The following HADH variants were observed in gnomAD, a reference collection of about 807,000 sequenced individuals.
HADH encodes the protein hydroxyacyl-CoA dehydrogenase.
A neutral mutation model predicts 32.2 loss-of-function variants in HADH; 24 were observed. The observed-to-expected ratio is 0.75, with a 90% CI of 0.54 to 1.05. The LOEUF (loss-of-function observed/expected upper bound fraction) is 1.05. HADH is among the 50% of genes least tolerant of loss of function. The pLI is 0.00. For synonymous variants in HADH, 139 were observed against 152.5 expected, an observed-to-expected ratio of 0.91 and a Z score of 0.65; for missense variants, 350 against 397.1, an observed-to-expected ratio of 0.88 and a Z score of 1.01.
intron 7 of HADH, 71 bp downstream of exon 7, chr4:108,033,363 T>TA: frequency 1.2e-6 from 1 of 849,670 alleles, no homozygotes; most frequent in Non-Finnish European, 2.1e-6. Context: ...AATGCCTTTT[T>TA]AAAAAAAGTT....
chr4:108,033,328 G>A (rs1217240573), intron 7 of HADH, 36 bp downstream of exon 7: 2 of 1,067,880 alleles, frequency 1.9e-6, no homozygotes, highest in South Asian at 2.5e-5. Context: ...TTTAATTGAG[G>A]TAGTTTTTCT....
At chr4:108,025,299 A>AT in intron 5 of HADH, 1 of 152,306 alleles carries the variant, frequency 6.6e-6, no homozygotes, top group South Asian at 2.1e-4. Flanking sequence ...ATTGTGGTAT[A>AT]TAGGTTAAGG....
At chr4:108,018,359 T>C (rs1244725834) in intron 3 of HADH, among the ~76,000 whole-genome samples, 1 of 152,178 alleles carries the variant, frequency 6.6e-6, no homozygotes, top group Non-Finnish European at 1.5e-5. Flanking sequence ...GAATAGTTTA[T>C]ATTATTTTCC....
chr4:107,996,821 G>T (rs1240971892), intron 1 of HADH, among the ~76,000 whole-genome samples: 1 of 151,744 alleles, frequency 6.6e-6, no homozygotes, highest in Non-Finnish European at 1.5e-5. Flanking sequence ...TTGAACCCAG[G>T]AGGCGGAGGA....
At chr4:108,032,707 A>G in intron 6 of HADH, 1 of 331,826 alleles carries the variant, frequency 3.0e-6, no homozygotes, top group Non-Finnish European at 5.6e-6. Context: ...CTTGGGCCAC[A>G]CACTGTGGCT....
At chr4:108,027,589 A>G (rs1334500415) in intron 5 of HADH, 99 bp from the exon 6 acceptor site, 3 of 805,414 alleles carry the variant, frequency 3.7e-6, no homozygotes, top group African/African-American at 3.4e-5. Flanking sequence ...AATGGGGGCA[A>G]ACATGATCCA....
At chr4:108,003,105 C>CTTTTTTTT (rs11390276) in intron 1 of HADH, among the ~76,000 whole-genome samples, 1 of 124,212 alleles carries the variant, frequency 8.1e-6, no homozygotes, top group African/African-American at 3.0e-5. Flanking sequence ...GTGTCTTAGT[C>CTTTTTTTT]TTTTTTTTTT....
intron 1 of HADH, among the ~76,000 whole-genome samples, chr4:108,008,637 TCTC>T (rs1735369140): frequency 6.6e-6 from 1 of 152,154 alleles, no homozygotes; most frequent in Non-Finnish European, 1.5e-5. Context: ...TCCTTGTTCT[TCTC>T]TGGGCAAGTT....
chr4:108,019,805 T>TA, intron 4 of HADH, 139 bp downstream of exon 4: 1 of 910,516 alleles, frequency 1.1e-6, no homozygotes, highest in Non-Finnish European at 1.8e-6. Flanking sequence ...CTGAGCCTCA[T>TA]ATCTAGGAGG....
chr4:108,010,975 A>G (rs777303262), intron 2 of HADH, among the ~76,000 whole-genome samples: 1 of 151,858 alleles, frequency 6.6e-6, no homozygotes, highest in African/African-American at 2.4e-5. Context: ...CAGCCTCCCA[A>G]GTAGCTGGGA....
At chr4:108,021,884 C>T in intron 4 of HADH, among the ~76,000 whole-genome samples, 1 of 152,168 alleles carries the variant, frequency 6.6e-6, no homozygotes, top group East Asian at 1.9e-4. Context: ...CATCCATTCA[C>T]TTCTCTTGAT....
chr4:108,027,453 G>T, intron 5 of HADH: 1 of 577,792 alleles, frequency 1.7e-6, no homozygotes, highest in Admixed American at 2.6e-5. Context: ...CTGTCTTTAT[G>T]TCAGGATCTG....
intron 1 of HADH, among the ~76,000 whole-genome samples, chr4:108,000,896 A>G (rs1560723617): frequency 6.6e-6 from 1 of 152,242 alleles, no homozygotes; most frequent in Non-Finnish European, 1.5e-5. Context: ...TTGACCAGCT[A>G]TCATATTCAA....
chr4:108,001,591 T>A (rs1414025769), intron 1 of HADH, among the ~76,000 whole-genome samples: 1 of 152,198 alleles, frequency 6.6e-6, no homozygotes, highest in Non-Finnish European at 1.5e-5. Context: ...GGGAGTACAT[T>A]CCTAGACCCT....
chr4:108,028,918 C>T (rs1736158554), intron 6 of HADH: 1 of 398,570 alleles, frequency 2.5e-6, no homozygotes, highest in South Asian at 1.3e-4. Context: ...TGCATAGGTG[C>T]ATGCCCTTTA....
Position 108,027,317 on chromosome 4 carries a change from T to A in HADH, c.637-371T>A, listed in dbSNP as rs191561197. On this transcript the variant is annotated intron_variant, in intron 5 of 7. Coordinates refer to ENST00000309522, the MANE Select transcript of HADH (RefSeq NM_005327.7). The stretch of plus-strand genomic sequence containing the variant: ...ATCTTCACAACTTTGAGACAAACTG[T>A]CACCCCCAGTTCACAGATGATGAAA... 3.3e-5 allele frequency: 12 copies of A among 365,718 alleles called. No individual in the cohort carries two copies. The Admixed American group carries it at 4.2e-4, about 13-fold the overall frequency. The allele number at this position is 365,718 out of a possible 1,614,324, so 22.7% of individuals were successfully genotyped here.
chr4:108,023,075 C>A lies in HADH; in HGVS notation c.547-399C>A, dbSNP rs182708513. Reference sequence around the variant, plus strand: ...GTGGCATGATCTCGGCTCACTGCAACCTCCACCTCCCAGGTTCAAGCAATT... The same window carrying A: ...GTGGCATGATCTCGGCTCACTGCAAACTCCACCTCCCAGGTTCAAGCAATT... On this transcript the variant is annotated intron_variant, in intron 4 of 7. Transcript: ENST00000309522. 8.0e-4 allele frequency among the ~76,000 whole-genome samples: 122 copies of A among 151,614 alleles called. 1 individual carries two copies. Among genetic ancestry groups the A allele is most frequent in the African/African-American group, 2.9e-3 (118 of 41,226 alleles).
At chr4:108,031,752 T>A (rs1195362033) in intron 6 of HADH, 2 of 152,158 alleles carry the variant, frequency 1.3e-5, no homozygotes, top group Non-Finnish European at 2.9e-5. Flanking sequence ...ACATCTGAGT[T>A]CTCCCATTAT....
intron 3 of HADH, among the ~76,000 whole-genome samples, chr4:108,018,482 G>A (rs1023008337): frequency 2.0e-5 from 3 of 152,112 alleles, no homozygotes; most frequent in African/African-American, 2.4e-5. Context: ...CTTGGAAGCT[G>A]TTGGAGAAGG....
Sources: allele counts gnomAD v4.1 joint callset (sites outside exome capture counted in the v4.1 genomes callset), GRCh38; gene constraint gnomAD v4.1.1; transcripts MANE v1.5; gene names NCBI Gene and HGNC (gene_info 2026-07-23, HGNC 2026-07-21).